Variants in DNAH14 observed in about 807,000 individuals in gnomAD.
DNAH14 encodes dynein axonemal heavy chain 14.
Under a neutral mutation model 520.9 loss-of-function variants are expected in DNAH14, and 478 were observed. The observed-to-expected ratio is 0.92, with a 90% CI of 0.85 to 0.99. DNAH14 has a LOEUF of 0.99. Ranked by LOEUF, DNAH14 falls within the 50% of genes least tolerant of loss-of-function variation. The pLI is 0.00. For synonymous variants in DNAH14, 1,581 were observed against 1,757.2 expected (o/e 0.90, Z 2.51); for missense variants, 4,831 against 5,234.5 (o/e 0.92, Z 2.38).
chr1:225,283,168 TAAC>T (rs1486843347), intron 54 of DNAH14, among the ~76,000 whole-genome samples: 5 of 151,158 alleles, frequency 3.3e-5, no homozygotes, highest in Non-Finnish European at 7.4e-5. Context: ...ATATGGAAAA[TAAC>T]AGTGTGGCAG....
In DNAH14 at chr1:225,085,679, A is replaced by G. The variant is rs745586850; in HGVS notation, c.3463A>G (p.Ile1155Val). 8 of 1,551,202 alleles carry G rather than the reference A, an allele frequency of 5.2e-6. No individual in the cohort carries two copies. The African/African-American group carries it at 1.1e-4, about 21-fold the overall frequency. Reference sequence around the variant, plus strand: ...GCCTTTAATTCTTCACCACACAGAGATTTACTCTATCTTCATAATTCCATC... The same window carrying G: ...GCCTTTAATTCTTCACCACACAGAGGTTTACTCTATCTTCATAATTCCATC... ...PLPLILHHTE[I>V]YSIFIIPSID... Residue 1155 changes from isoleucine to valine, a missense_variant, in exon 21 of 86, where the codon ATT (isoleucine) becomes GTT (valine). Transcript: ENST00000682510.
intron 37 of DNAH14, among the ~76,000 whole-genome samples, chr1:225,192,227 T>C (rs538696474): frequency 2.6e-5 from 4 of 152,248 alleles, no homozygotes; most frequent in Admixed American, 2.0e-4. Flanking sequence ...GTAATCTCTC[T>C]GAAGAAGTGC....
At chr1:224,952,454 G>GA (rs2060239481) in intron 1 of DNAH14, among the ~76,000 whole-genome samples, 1 of 152,174 alleles carries the variant, frequency 6.6e-6, no homozygotes, top group Non-Finnish European at 1.5e-5. Context: ...AATTGCCATA[G>GA]AAAGGAAGTT....
At chr1:224,970,574 G>A (rs1260499991) in intron 7 of DNAH14, among the ~76,000 whole-genome samples, 1 of 152,118 alleles carries the variant, frequency 6.6e-6, no homozygotes, top group East Asian at 1.9e-4. Flanking sequence ...TGTGATGTCT[G>A]CCCCGGACAC....
intron 58 of DNAH14, among the ~76,000 whole-genome samples, chr1:225,306,503 A>G (rs1037609177): frequency 3.3e-5 from 5 of 152,180 alleles, no homozygotes; most frequent in Non-Finnish European, 7.3e-5. Context: ...AAGCGTCAAG[A>G]GAGTTTAATG....
intron 55 of DNAH14, among the ~76,000 whole-genome samples, chr1:225,295,095 C>G (rs1414756600): frequency 6.6e-6 from 1 of 151,918 alleles, no homozygotes; most frequent in East Asian, 1.9e-4. Context: ...TCTATGGTAT[C>G]CATTGTGATG....
At chr1:225,047,934 T>C (rs1417110271) in intron 15 of DNAH14, among the ~76,000 whole-genome samples, 1 of 152,216 alleles carries the variant, frequency 6.6e-6, no homozygotes, top group Non-Finnish European at 1.5e-5. Flanking sequence ...TTAAAACTTA[T>C]ATAAAGTACA....
At chr1:225,253,990 C>T (rs1426257334) in intron 44 of DNAH14, among the ~76,000 whole-genome samples, 1 of 151,940 alleles carries the variant, frequency 6.6e-6, no homozygotes, top group Non-Finnish European at 1.5e-5. Flanking sequence ...ATCTAGACAG[C>T]GGGATATGAC....
intron 27 of DNAH14, among the ~76,000 whole-genome samples, chr1:225,136,347 T>C (rs937073202): frequency 6.6e-5 from 10 of 152,200 alleles, no homozygotes; most frequent in Non-Finnish European, 1.2e-4. Context: ...AAGGCGGACC[T>C]GGTGACGATG....
chr1:224,988,996 G>A (rs1421119789), intron 8 of DNAH14, among the ~76,000 whole-genome samples: 1 of 152,090 alleles, frequency 6.6e-6, no homozygotes, highest in East Asian at 1.9e-4. Context: ...CAGAATAATG[G>A]CATTAATCCA....
chr1:225,291,056 A>G (rs934492232), intron 55 of DNAH14, among the ~76,000 whole-genome samples: 1 of 151,692 alleles, frequency 6.6e-6, no homozygotes, highest in African/African-American at 2.4e-5. Context: ...AGCCTCTAGT[A>G]TCTTCTGTTC....
In DNAH14 at chr1:225,020,176, C is replaced by T. The variant is rs376095350; in HGVS notation, c.1108-3439C>T. On this transcript the variant is annotated intron_variant, in intron 10 of 85. Transcript: ENST00000682510. Reference sequence around the variant, plus strand: ...ACCCAATCAGAAATGACAAAGGTGGCATCATAACTGACCCCAGAGAAATAC... The same window carrying T: ...ACCCAATCAGAAATGACAAAGGTGGTATCATAACTGACCCCAGAGAAATAC... Among the ~76,000 whole-genome samples the T allele has an allele frequency of 2.5e-4, 38 of 151,692 alleles. No homozygotes were observed. In the South Asian group the frequency reaches 7.9e-3, roughly 32 times the overall value.
intron 27 of DNAH14, among the ~76,000 whole-genome samples, chr1:225,140,150 C>T (rs1357528696): frequency 2.6e-5 from 4 of 152,162 alleles, no homozygotes; most frequent in Non-Finnish European, 5.9e-5. Context: ...CACTGTGCCC[C>T]CTTGCCCACG....
At chr1:224,977,737 C>G (rs1450561964) in intron 8 of DNAH14, among the ~76,000 whole-genome samples, 1 of 152,086 alleles carries the variant, frequency 6.6e-6, no homozygotes, top group Non-Finnish European at 1.5e-5. Flanking sequence ...GAAGAGACAG[C>G]CTGCAGAATG....
At chr1:225,142,062 C>T (rs1355227403) in intron 28 of DNAH14, among the ~76,000 whole-genome samples, 1 of 152,168 alleles carries the variant, frequency 6.6e-6, no homozygotes, top group East Asian at 1.9e-4. Flanking sequence ...CTGATATATA[C>T]TCACATGTTC....
At chr1:225,123,032 A>G (rs772043831) in intron 26 of DNAH14, among the ~76,000 whole-genome samples, 8 of 152,192 alleles carry the variant, frequency 5.3e-5, no homozygotes, top group South Asian at 2.1e-4. Context: ...GAAAAAAATG[A>G]CAACATTGAA....
In DNAH14 at chr1:225,004,317, T is replaced by C. The variant is rs549485740; in HGVS notation, c.975+1390T>C. On this transcript the variant is annotated intron_variant, in intron 9 of 85. Transcript: ENST00000682510. ...CATTAGCAAAGTATAAGGTAAGGAATGTTTACTGGCAAATAATACTTGTAA... is the reference window on the plus strand; with the variant it reads ...CATTAGCAAAGTATAAGGTAAGGAACGTTTACTGGCAAATAATACTTGTAA... 1.2e-4 allele frequency among the ~76,000 whole-genome samples: 18 copies of C among 152,296 alleles called. No homozygotes were observed. The South Asian group carries it at 3.7e-3, about 32-fold the overall frequency.
At chr1:225,317,422 C>T (rs1281989146) in intron 60 of DNAH14, among the ~76,000 whole-genome samples, 1 of 151,732 alleles carries the variant, frequency 6.6e-6, no homozygotes, top group Non-Finnish European at 1.5e-5. Context: ...TTTCATATTT[C>T]ACGTTTTTAT....
At chr1:225,257,744 CCAGGATGGT>C (rs1159064675) in intron 44 of DNAH14, among the ~76,000 whole-genome samples, 3 of 151,916 alleles carry the variant, frequency 2.0e-5, no homozygotes. Context: ...ACCGCGTTAG[CCAGGATGGT>C]CTCGATCTCC....
Sources: allele counts gnomAD v4.1 joint callset (sites outside exome capture counted in the v4.1 genomes callset), GRCh38; gene constraint gnomAD v4.1.1; transcripts MANE v1.5; gene names NCBI Gene and HGNC (gene_info 2026-07-23, HGNC 2026-07-21).